NRG1: variants seen among roughly 807,000 people sequenced by gnomAD.
The protein encoded by NRG1 is neuregulin 1.
Under a neutral mutation model 63.8 loss-of-function variants are expected in NRG1, and 18 were observed. The ratio of observed to expected loss-of-function variants is 0.28; its 90% CI spans 0.19 to 0.42. The LOEUF is 0.42. Among genes scored for constraint, NRG1 ranks in the 10% least tolerant of loss-of-function variants. NRG1 has a pLI of 1.00. For missense variants in NRG1, 762 were observed against 814.7 expected (o/e 0.94, Z 0.79); for synonymous variants, 302 against 301.3 (o/e 1.00, Z -0.02).
chr8:32,479,713 G>A (rs888650878), intron 1 of NRG1, among the ~76,000 whole-genome samples: 3 of 151,966 alleles, frequency 2.0e-5, no homozygotes, highest in Admixed American at 6.6e-5. Context: ...ACAGTGGCGC[G>A]ATCTCAGCTC....
At chr8:31,710,610 G>A (rs540395851) in intron 1 of NRG1, among the ~76,000 whole-genome samples, 1 of 151,836 alleles carries the variant, frequency 6.6e-6, no homozygotes. Flanking sequence ...ATCATTTTGG[G>A]CCTAAATTCT....
intron 5 of NRG1, among the ~76,000 whole-genome samples, chr8:32,659,014 G>T (rs1212814732): frequency 6.6e-6 from 1 of 152,106 alleles, no homozygotes. Context: ...GTAACTACTT[G>T]GTTCTGATGG....
At position 32,242,452 on chromosome 8, in the gene NRG1, C is replaced by G. The variant is rs533948101; in HGVS notation, c.38-353376C>G. Reference sequence around the variant, plus strand: ...TCGTGCAATTGCACTCCAGACTTGGCAACAGAGCAAGACTCCATCTCAAAA... The same window carrying G: ...TCGTGCAATTGCACTCCAGACTTGGGAACAGAGCAAGACTCCATCTCAAAA... On this transcript the variant is annotated intron_variant, in intron 1 of 10. Transcript: ENST00000519301. Among the ~76,000 whole-genome samples the G allele has an allele frequency of 1.6e-4, 24 of 152,094 alleles. No individual in the cohort carries two copies. The East Asian group carries it at 4.1e-3, about 26-fold the overall frequency.
chr8:32,408,223 T>A (rs1814374480), intron 1 of NRG1, among the ~76,000 whole-genome samples: 2 of 152,176 alleles, frequency 1.3e-5, no homozygotes, highest in African/African-American at 2.4e-5. Context: ...GGAAAATGAA[T>A]CATTCTCAGG....
At chr8:32,529,319 T>A (rs1831203740) in intron 1 of NRG1, among the ~76,000 whole-genome samples, 1 of 152,236 alleles carries the variant, frequency 6.6e-6, no homozygotes, top group East Asian at 1.9e-4. Context: ...TGGAAGTTGC[T>A]CTGGGTGTCA....
At chr8:31,988,194 A>G (rs1810416049) in intron 1 of NRG1, among the ~76,000 whole-genome samples, 1 of 152,090 alleles carries the variant, frequency 6.6e-6, no homozygotes, top group Non-Finnish European at 1.5e-5. Flanking sequence ...ATTCACTGGC[A>G]TATCTAGTTT....
chr8:32,440,177 T>C (rs538337844), intron 1 of NRG1, among the ~76,000 whole-genome samples: 1 of 152,116 alleles, frequency 6.6e-6, no homozygotes, highest in Non-Finnish European at 1.5e-5. Context: ...TAACTCACTG[T>C]CATGATAATA....
intron 1 of NRG1, among the ~76,000 whole-genome samples, chr8:32,329,279 G>A (rs1563321162): frequency 1.3e-5 from 2 of 152,010 alleles, no homozygotes; most frequent in African/African-American, 4.8e-5. Context: ...GACATCTACA[G>A]ATTATCATCT....
chr8:32,526,045 C>T (rs1031838622), intron 1 of NRG1, among the ~76,000 whole-genome samples: 3 of 152,144 alleles, frequency 2.0e-5, no homozygotes, highest in Non-Finnish European at 4.4e-5. Flanking sequence ...AACAAATTAC[C>T]ATAAACTTAG....
At chr8:32,151,531 G>A (rs6988159) in intron 1 of NRG1, among the ~76,000 whole-genome samples, 2,008 of 152,234 alleles carry the variant, frequency 0.013, 54 homozygotes, top group African/African-American at 0.045. Flanking sequence ...TCAGGGCAGT[G>A]GAAGGTTTGA....
intron 7 of NRG1, among the ~76,000 whole-genome samples, chr8:32,773,144 A>C (rs911371944): frequency 6.6e-6 from 1 of 152,180 alleles, no homozygotes; most frequent in African/African-American, 2.4e-5. Context: ...AATTTAGAGA[A>C]ATTGTATTGA....
chr8:31,642,152 GA>G (rs1803855896), intron 1 of NRG1, among the ~76,000 whole-genome samples: 1 of 152,094 alleles, frequency 6.6e-6, no homozygotes, highest in African/African-American at 2.4e-5. Context: ...CAAAGCATGG[GA>G]AATGCTCTGC....
intron 1 of NRG1, among the ~76,000 whole-genome samples, chr8:32,171,842 G>T (rs559776604): frequency 3.9e-5 from 6 of 152,228 alleles, no homozygotes; most frequent in Non-Finnish European, 5.9e-5. Context: ...TAAACAAAGC[G>T]GCCAGGAAGC....
At chr8:32,347,228 A>G (rs896098324) in intron 1 of NRG1, among the ~76,000 whole-genome samples, 1 of 152,158 alleles carries the variant, frequency 6.6e-6, no homozygotes, top group Admixed American at 6.5e-5. Context: ...TTTCCCCACT[A>G]TAATATCAAA....
At chr8:31,902,971 A>G (rs184580995) in intron 1 of NRG1, among the ~76,000 whole-genome samples, 4 of 152,268 alleles carry the variant, frequency 2.6e-5, no homozygotes, top group African/African-American at 9.6e-5. Context: ...TCTCCCTCTC[A>G]TGATGTTAGA....
intron 1 of NRG1, among the ~76,000 whole-genome samples, chr8:31,666,119 C>A (rs1218818264): frequency 6.6e-6 from 1 of 152,118 alleles, no homozygotes; most frequent in Non-Finnish European, 1.5e-5. Context: ...GCATTAATTA[C>A]AAACTTCAGG....
At chr8:32,466,545 G>A (rs1051886939) in intron 1 of NRG1, among the ~76,000 whole-genome samples, 1 of 152,070 alleles carries the variant, frequency 6.6e-6, no homozygotes, top group African/African-American at 2.4e-5. Context: ...GGTTAAACAG[G>A]ATTACTCCCC....
intron 5 of NRG1, among the ~76,000 whole-genome samples, chr8:32,695,777 C>G (rs1460071903): frequency 6.6e-6 from 1 of 152,136 alleles, no homozygotes; most frequent in Non-Finnish European, 1.5e-5. Flanking sequence ...AAATCAGGTG[C>G]TTACAAATGA....
In NRG1 at chr8:32,194,559, A is replaced by C. The variant is rs536619278; in HGVS notation, c.38-401269A>C. Among the ~76,000 whole-genome samples, 9 of 152,252 alleles carry C rather than the reference A, an allele frequency of 5.9e-5. No individual in the cohort carries two copies. The East Asian group carries it at 1.7e-3, about 29-fold the overall frequency. On this transcript the variant is annotated intron_variant, in intron 1 of 10. Coordinates refer to the NRG1 transcript ENST00000519301. ...GCCTTCTTCAGGCCCTGGCAGGATA[A>C]AAATTCAGCCCAGTAGACACTGGGA...
Sources: allele counts gnomAD v4.1 joint callset (sites outside exome capture counted in the v4.1 genomes callset), GRCh38; gene constraint gnomAD v4.1.1; transcripts MANE v1.5; gene names NCBI Gene and HGNC (gene_info 2026-07-23, HGNC 2026-07-21).